Variants in PGM2L1 observed in about 807,000 individuals in gnomAD.
PGM2L1 encodes phosphoglucomutase 2 like 1, also known as glucose 1,6-bisphosphate synthase.
In PGM2L1, 35 loss-of-function variants were observed where a neutral mutation model predicts 73.4. The ratio of observed to expected loss-of-function variants is 0.48; its 90% CI spans 0.36 to 0.63. The LOEUF (loss-of-function observed/expected upper bound fraction) is 0.63. PGM2L1 is among the 30% of genes least tolerant of loss of function. The probability of loss-of-function intolerance (pLI) is 0.00; values close to 1 mark genes in which losing one functional copy is unlikely to be tolerated. For synonymous variants in PGM2L1, 225 were observed against 253.8 expected (o/e 0.89, Z 1.08); for missense variants, 570 against 742.0 (o/e 0.77, Z 2.69).
At chr11:74,380,019 C>T (rs1005567704) in intron 1 of PGM2L1, among the ~76,000 whole-genome samples, 2 of 152,084 alleles carry the variant, frequency 1.3e-5, no homozygotes, top group Admixed American at 6.5e-5. Context: ...TCTAAAGTTG[C>T]AAAATTGTAC....
intron 5 of PGM2L1, among the ~76,000 whole-genome samples, chr11:74,359,662 G>A (rs1199601878): frequency 2.6e-5 from 4 of 152,040 alleles, no homozygotes; most frequent in African/African-American, 9.7e-5. Flanking sequence ...ATTGTTGTGT[G>A]AAATCAGCAA....
At chr11:74,364,303 A>C (rs1254766365) in intron 5 of PGM2L1, among the ~76,000 whole-genome samples, 1 of 152,212 alleles carries the variant, frequency 6.6e-6, no homozygotes, top group East Asian at 1.9e-4. Flanking sequence ...GAAAACTGGC[A>C]CAAGACAGGG....
At chr11:74,338,868 C>T (rs1006489840) in intron 12 of PGM2L1, among the ~76,000 whole-genome samples, 1 of 152,078 alleles carries the variant, frequency 6.6e-6, no homozygotes, top group Admixed American at 6.6e-5. Flanking sequence ...CCGAACTATA[C>T]ACTTAAAAAT....
intron 12 of PGM2L1, among the ~76,000 whole-genome samples, chr11:74,342,113 A>T (rs1862191512): frequency 6.6e-6 from 1 of 152,116 alleles, no homozygotes; most frequent in Non-Finnish European, 1.5e-5. Flanking sequence ...TCCTGTTTTG[A>T]TCAGTGAGGT....
intron 5 of PGM2L1, among the ~76,000 whole-genome samples, chr11:74,360,735 C>T (rs1283005072): frequency 3.9e-5 from 6 of 152,204 alleles, no homozygotes; most frequent in East Asian, 1.9e-4. Flanking sequence ...CTTAGCAAAC[C>T]GCACACCAGG....
intron 5 of PGM2L1, among the ~76,000 whole-genome samples, chr11:74,361,695 G>A (rs1344309866): frequency 6.6e-6 from 1 of 152,170 alleles, no homozygotes; most frequent in Non-Finnish European, 1.5e-5. Context: ...GGGTAGAGAA[G>A]TCCTTAAATG....
chr11:74,338,333 T>C, intron 13 of PGM2L1, 135 bp downstream of exon 13: 1 of 788,808 alleles, frequency 1.3e-6, no homozygotes, highest in Non-Finnish European at 1.8e-6. Context: ...TAAAATTGAT[T>C]ACAGTGATGG....
intron 5 of PGM2L1, chr11:74,355,022 C>G: frequency 1.5e-6 from 2 of 1,300,454 alleles, no homozygotes; most frequent in Non-Finnish European, 1.1e-6. Context: ...CTTCATCCAG[C>G]CAAAGAGGTC....
chr11:74,360,594 C>T (rs574566554), intron 5 of PGM2L1, among the ~76,000 whole-genome samples: 9 of 152,162 alleles, frequency 5.9e-5, no homozygotes, highest in East Asian at 1.9e-4. Context: ...GAGTGTGAGT[C>T]GAAGCAGGGT....
chr11:74,345,005 T>C (rs1862240625), intron 9 of PGM2L1, among the ~76,000 whole-genome samples: 1 of 152,222 alleles, frequency 6.6e-6, no homozygotes, highest in Non-Finnish European at 1.5e-5. Context: ...GTTAATGATC[T>C]GGGCTGAGAG....
At position 74,342,966 on chromosome 11, in the gene PGM2L1, G is replaced by A; in HGVS notation, c.1361C>T (p.Ala454Val). 1 of 1,610,464 alleles carries A rather than the reference G, an allele frequency of 6.2e-7. No homozygotes were observed. Among genetic ancestry groups the A allele is most frequent in the Non-Finnish European group, 8.5e-7 (1 of 1,178,140 alleles). ...SVLDKDGVSA[A>V]VVVAEMASYL... ...AGATGCCATCTCAGCAACCACAACA[G>A]CTGCACTCACCCCATCTTTATCCAA... The change falls in exon 11 of 14, where the codon GCT (alanine) becomes GTT (valine). Residue 454 changes from alanine to valine, a missense_variant. Coordinates refer to ENST00000298198, the MANE Select transcript of PGM2L1 (RefSeq NM_173582.6).
intron 1 of PGM2L1, among the ~76,000 whole-genome samples, chr11:74,383,824 A>ATATATATATATATATATATAT (rs1862982924): frequency 9.8e-5 from 12 of 121,834 alleles, no homozygotes; most frequent in East Asian, 4.2e-4. Context: ...TATATAAATA[A>ATATATATATATATATATATAT]ATATATATAT....
Position 74,343,801 on chromosome 11 carries a change from C to T in PGM2L1, c.1219-385G>A, listed in dbSNP as rs890195072. 1.8e-4 allele frequency among the ~76,000 whole-genome samples: 17 copies of T among 96,588 alleles called. No homozygotes were observed. In the South Asian group the frequency reaches 4.7e-3, roughly 27 times the overall value. 63.4% of individuals were successfully genotyped at this position (96,588 alleles called of 152,430 possible). A position where few individuals can be genotyped will look rare whatever the true frequency, so the allele number is the denominator to read the frequency against. On this transcript the variant is annotated intron_variant, in intron 9 of 13. Coordinates refer to ENST00000298198, the MANE Select transcript of PGM2L1 (RefSeq NM_173582.6). ...TTTTTTTTTTTTTTTTTTTTTGAGA[C>T]GGAGTCTCGCTCTGTCACCCAGGCT...
chr11:74,377,455 T>G (rs960521379), intron 1 of PGM2L1, among the ~76,000 whole-genome samples: 1 of 151,944 alleles, frequency 6.6e-6, no homozygotes, highest in African/African-American at 2.4e-5. Context: ...TAAATGAAAT[T>G]TTTATGTAGA....
intron 8 of PGM2L1, 62 bp from the exon 9 acceptor site, chr11:74,345,711 A>G (rs1480777135): frequency 2.1e-6 from 3 of 1,425,356 alleles, no homozygotes; most frequent in Non-Finnish European, 2.9e-6. Context: ...TCTTGACTCC[A>G]AGGCCTAAAA....
chr11:74,345,451 G>T lies in PGM2L1; in HGVS notation c.1218+18C>A. The T allele has an allele frequency of 1.9e-6, 3 of 1,583,530 alleles. No homozygotes were observed. The highest frequency in any genetic ancestry group is 2.2e-5 in the South Asian group (2 of 90,280). On this transcript the variant is annotated intron_variant, in intron 9 of 13. Coordinates refer to ENST00000298198, the MANE Select transcript of PGM2L1 (RefSeq NM_173582.6). Reference sequence around the variant, plus strand: ...AATAGGTTTTAAAAAGTAGCACACAGATATTATTGATTCTTACTTCAAAAT... The same window carrying T: ...AATAGGTTTTAAAAAGTAGCACACATATATTATTGATTCTTACTTCAAAAT...
rs1242230518 is a variant in PGM2L1 at position 74,362,319 on chromosome 11, A to T, written c.555+6173T>A. ...ACTGAGCTTCATAAGTAAAGAATAAAATCCTTTACAGACAAGCAAATGCTG... is the reference window on the plus strand; with the variant it reads ...ACTGAGCTTCATAAGTAAAGAATAATATCCTTTACAGACAAGCAAATGCTG... On this transcript the variant is annotated intron_variant, in intron 5 of 13. Transcript: ENST00000298198. 2.0e-5 allele frequency among the ~76,000 whole-genome samples: 3 copies of T among 152,146 alleles called. No individual in the cohort carries two copies. In the East Asian group the frequency reaches 5.8e-4, roughly 29 times the overall value.
intron 5 of PGM2L1, among the ~76,000 whole-genome samples, chr11:74,354,003 C>T (rs1441028858): frequency 6.6e-6 from 1 of 151,884 alleles, no homozygotes; most frequent in East Asian, 1.9e-4. Context: ...ATTTATAAAA[C>T]ATAAGAAAAA....
At chr11:74,349,159 C>T (rs975247079) in intron 6 of PGM2L1, among the ~76,000 whole-genome samples, 2 of 152,148 alleles carry the variant, frequency 1.3e-5, no homozygotes, top group Admixed American at 1.3e-4. Context: ...GATCCTTCAT[C>T]AACCATTTGA....
Sources: allele counts gnomAD v4.1 joint callset (sites outside exome capture counted in the v4.1 genomes callset), GRCh38; gene constraint gnomAD v4.1.1; transcripts MANE v1.5; gene names NCBI Gene and HGNC (gene_info 2026-07-23, HGNC 2026-07-21).